GTF2IRD2B: variants seen among roughly 807,000 people sequenced by gnomAD.
The protein encoded by GTF2IRD2B is general transcription factor II-I repeat domain-containing protein 2B.
GTF2IRD2B carries 10 observed loss-of-function variants against 55.6 expected under a neutral mutation model. The ratio of observed to expected loss-of-function variants is 0.18; its 90% CI spans 0.11 to 0.31. The LOEUF is 0.31. GTF2IRD2B is among the 10% of genes least tolerant of loss of function. GTF2IRD2B has a pLI of 1.00. For synonymous variants in GTF2IRD2B, 107 were observed against 320.5 expected (o/e 0.33, Z 7.12); for missense variants, 206 against 802.7 (o/e 0.26, Z 8.98).
chr7:75,109,608 T>C (rs1249445302), intron 2 of GTF2IRD2B, among the ~76,000 whole-genome samples: 57 of 66,410 alleles, frequency 8.6e-4, no homozygotes, highest in African/African-American at 2.1e-3. Flanking sequence ...CCCAAAGTGG[T>C]GGGATTACAG....
At chr7:75,139,620 T>A (rs78860089) in intron 12 of GTF2IRD2B, among the ~76,000 whole-genome samples, 1 of 97,164 alleles carries the variant, frequency 1.0e-5, no homozygotes, top group Non-Finnish European at 2.1e-5. Context: ...GGCGACAGAG[T>A]GAGACTCTGT....
intron 8 of GTF2IRD2B, among the ~76,000 whole-genome samples, chr7:75,130,150 C>T (rs868908350): frequency 4.6e-3 from 349 of 75,906 alleles, no homozygotes; most frequent in Middle Eastern, 0.017. Context: ...TCTTTCTTTC[C>T]TTCTTTCTTT....
At chr7:75,112,176 C>T (rs1481387989) in intron 2 of GTF2IRD2B, among the ~76,000 whole-genome samples, 4 of 16,932 alleles carry the variant, frequency 2.4e-4, no homozygotes, top group African/African-American at 4.8e-4. Context: ...AGGCTGAGGC[C>T]GGAGAATGAC....
At chr7:75,106,141 G>A (rs1554450207) in intron 1 of GTF2IRD2B, among the ~76,000 whole-genome samples, 30 of 152,392 alleles carry the variant, frequency 2.0e-4, no homozygotes, top group Admixed American at 1.0e-3. Context: ...AGTGGCTCAC[G>A]CCTGTAATCC....
rs1161370360 is a variant in GTF2IRD2B, at chr7:75,132,358, C to CA, written c.671-762dup. On this transcript the variant is annotated intron_variant, in intron 8 of 15. Transcript: ENST00000472837. ...TGGGCAACAGAGTGAGACTCTGTCT[C>CA]AAAAAAAAAAAAAAATGGTTATATA... Among the ~76,000 whole-genome samples the CA allele has an allele frequency of 1.5e-3, 122 of 83,580 alleles. 1 individual carries two copies. The highest frequency in any genetic ancestry group is 7.1e-3 in the African/African-American group (116 of 16,376). 54.8% of individuals were successfully genotyped at this position (83,580 alleles called of 152,430 possible).
chr7:75,122,658 C>CAGGA (rs1261787922), intron 4 of GTF2IRD2B, among the ~76,000 whole-genome samples: 1 of 110,118 alleles, frequency 9.1e-6, no homozygotes, highest in African/African-American at 3.9e-5. Context: ...GCCAGCTACT[C>CAGGA]AGGAGGCAGA....
chr7:75,123,077 A>G, intron 4 of GTF2IRD2B, 59 bp from the exon 5 acceptor site: 2 of 1,567,938 alleles, frequency 1.3e-6, no homozygotes, highest in Admixed American at 2.0e-5. Context: ...AAAACAAAAA[A>G]AAAAAACTGG....
At chr7:75,092,847 G>A (rs1233751306) in intron 1 of GTF2IRD2B, 82 bp downstream of exon 1, 1 of 153,054 alleles carries the variant, frequency 6.5e-6, no homozygotes, top group Non-Finnish European at 1.5e-5. Context: ...TCCTCCTGAG[G>A]GCCTGGGGAA....
At chr7:75,104,602 CAAAAT>C (rs1334358623) in intron 1 of GTF2IRD2B, among the ~76,000 whole-genome samples, 52 of 152,324 alleles carry the variant, frequency 3.4e-4, no homozygotes, top group African/African-American at 1.2e-3. Context: ...ATGCTAAAGA[CAAAAT>C]AAAGATTACG....
intron 1 of GTF2IRD2B, among the ~76,000 whole-genome samples, chr7:75,096,422 ATT>A (rs1189486321): frequency 8.6e-5 from 2 of 23,302 alleles, no homozygotes; most frequent in Admixed American, 3.8e-4. Flanking sequence ...TGCCCAGCTA[ATT>A]TTTTTTTTTT....
chr7:75,112,640 C>A (rs587768477), intron 3 of GTF2IRD2B, 105 bp downstream of exon 3: 4 of 1,537,622 alleles, frequency 2.6e-6, no homozygotes, highest in East Asian at 2.3e-5. Context: ...CTCCTAGAAA[C>A]GATCCTAACA....
rs1214590098 is a variant in GTF2IRD2B, at chr7:75,134,841, A to G, written c.749-160A>G. On this transcript the variant is annotated intron_variant, in intron 9 of 15. Transcript: ENST00000472837. ...CTCCACCTCCCAGAGTGCTGAGATT[A>G]CAGGCGTGAGTTACCGCGCGCAGCC... Among the ~76,000 whole-genome samples the G allele has an allele frequency of 1.0e-4, 15 of 148,802 alleles. 1 individual carries two copies. The highest frequency in any genetic ancestry group is 3.9e-4 in the African/African-American group (15 of 38,346).
At chr7:75,140,550 T>TTG (rs1808982185) in intron 12 of GTF2IRD2B, among the ~76,000 whole-genome samples, 1 of 38,976 alleles carries the variant, frequency 2.6e-5, no homozygotes, top group African/African-American at 9.5e-5. Flanking sequence ...TTTTTTTTTT[T>TTG]GAGACGGAGT....
chr7:75,113,724 A>C lies in GTF2IRD2B; in HGVS notation c.238+1189A>C, dbSNP rs1356060373. Reference sequence around the variant, plus strand: ...TACCAAGTATTGATATAGCAATTTAATATTCCTTGTAACCATGAAAGGATA... The same window carrying C: ...TACCAAGTATTGATATAGCAATTTACTATTCCTTGTAACCATGAAAGGATA... On this transcript the variant is annotated intron_variant, in intron 3 of 15. Transcript: ENST00000472837. 4.7e-5 allele frequency among the ~76,000 whole-genome samples: 7 copies of C among 149,998 alleles called. No individual in the cohort carries two copies. The East Asian group carries it at 1.4e-3, about 29-fold the overall frequency.
chr7:75,105,825 G>A (rs1296331898), intron 1 of GTF2IRD2B, among the ~76,000 whole-genome samples: 1 of 152,306 alleles, frequency 6.6e-6, no homozygotes, highest in South Asian at 2.1e-4. Flanking sequence ...TTATTTCTTG[G>A]TTGCACTAAA....
intron 5 of GTF2IRD2B, 21 bp downstream of exon 5, chr7:75,123,340 G>C (rs782153905): frequency 1.2e-6 from 1 of 804,548 alleles, no homozygotes; most frequent in African/African-American, 2.3e-5. Flanking sequence ...CTGCACCCCC[G>C]CCCCTTCAGT....
chr7:75,117,785 T>A (rs1312191353), intron 3 of GTF2IRD2B, among the ~76,000 whole-genome samples: 130 of 152,372 alleles, frequency 8.5e-4, no homozygotes, highest in Middle Eastern at 3.4e-3. Flanking sequence ...ATTATTATTT[T>A]AAAAATATAT....
intron 6 of GTF2IRD2B, among the ~76,000 whole-genome samples, chr7:75,124,100 G>T (rs1808477557): frequency 6.6e-6 from 1 of 151,956 alleles, no homozygotes; most frequent in Non-Finnish European, 1.5e-5. Context: ...GGACGCAGTG[G>T]CTCACACCTG....
Position 75,126,369 on chromosome 7 carries a change from AC to A in GTF2IRD2B, c.657del (p.Met220TrpfsTer8), listed in dbSNP as rs1808508852. 1 of 418,048 alleles carries A rather than the reference AC, an allele frequency of 2.4e-6. No homozygotes were observed. The highest frequency in any genetic ancestry group is 4.6e-6 in the Non-Finnish European group (1 of 218,422). 25.9% of individuals were successfully genotyped at this position (418,048 alleles called of 1,614,324 possible). On this transcript the variant is annotated frameshift_variant, in exon 8 of 16. Coordinates refer to ENST00000472837, the MANE Select transcript of GTF2IRD2B (RefSeq NM_001003795.3). LOFTEE classifies it high-confidence loss of function. ...SCGPINVKTE[P>X]MEDSGISLKA... is the part of the protein sequence containing the mutation. ...GCGGCCCCATCAATGTGAAAACTGA[AC>A]CCATGGAAGATTCTGGTGGGTACCA...
Sources: allele counts gnomAD v4.1 joint callset (sites outside exome capture counted in the v4.1 genomes callset), GRCh38; gene constraint gnomAD v4.1.1; transcripts MANE v1.5; gene names NCBI Gene and HGNC (gene_info 2026-07-23, HGNC 2026-07-21).